PTK2B: variants seen among roughly 807,000 people sequenced by gnomAD.
PTK2B encodes the protein protein-tyrosine kinase 2-beta.
PTK2B carries 71 observed loss-of-function variants against 142.9 expected under a neutral mutation model. The observed-to-expected ratio is 0.50, with a 90% CI of 0.41 to 0.61. The LOEUF (loss-of-function observed/expected upper bound fraction) is 0.61, where lower values mean the gene tolerates loss of function less well. PTK2B is among the 20% of genes least tolerant of loss of function. PTK2B has a pLI of 0.00. For missense variants in PTK2B, 1,105 were observed against 1,320.4 expected (o/e 0.84, Z 2.53); for synonymous variants, 519 against 503.4 (o/e 1.03, Z -0.42).
At chr8:27,364,722 C>G (rs1805915779) in intron 1 of PTK2B, among the ~76,000 whole-genome samples, 1 of 152,228 alleles carries the variant, frequency 6.6e-6, no homozygotes, top group African/African-American at 2.4e-5. Context: ...GATGAGTGGC[C>G]TCACTGACGT....
At chr8:27,438,966 C>A in intron 18 of PTK2B, 65 bp from the exon 19 acceptor site, 1 of 1,404,674 alleles carries the variant, frequency 7.1e-7, no homozygotes, top group Non-Finnish European at 1.0e-6. Context: ...GTCTGTCCAT[C>A]TCTCTGTTCC....
At chr8:27,457,863 T>G (rs1357068867) in intron 30 of PTK2B, among the ~76,000 whole-genome samples, 2 of 151,420 alleles carry the variant, frequency 1.3e-5, no homozygotes, top group East Asian at 1.9e-4. Context: ...TAATCCCAGC[T>G]ACTCGGGAGG....
chr8:27,400,694 G>T (rs1586240608), intron 2 of PTK2B, among the ~76,000 whole-genome samples: 2 of 152,148 alleles, frequency 1.3e-5, no homozygotes, highest in South Asian at 2.1e-4. Context: ...ATGGGTGTTG[G>T]TACTATTCAT....
At chr8:27,408,841 C>T (rs1246423851) in intron 2 of PTK2B, among the ~76,000 whole-genome samples, 2 of 152,204 alleles carry the variant, frequency 1.3e-5, no homozygotes, top group African/African-American at 4.8e-5. Flanking sequence ...TAACAAAGCA[C>T]CACAAACAGA....
At chr8:27,437,329 C>T in intron 16 of PTK2B, 67 bp from the exon 17 acceptor site, 1 of 1,554,386 alleles carries the variant, frequency 6.4e-7, no homozygotes. Flanking sequence ...GCTAGAAGAG[C>T]AAAGGCCTTT....
At chr8:27,404,307 A>C (rs1455790740) in intron 2 of PTK2B, among the ~76,000 whole-genome samples, 1 of 152,216 alleles carries the variant, frequency 6.6e-6, no homozygotes, top group African/African-American at 2.4e-5. Flanking sequence ...GACATTGAGC[A>C]GAAGCAGAGA....
At chr8:27,437,569 C>T in intron 17 of PTK2B, 73 bp downstream of exon 17, 1 of 1,333,906 alleles carries the variant, frequency 7.5e-7, no homozygotes, top group Non-Finnish European at 1.0e-6. Context: ...CCATTCCTCC[C>T]AGCTTCCTGA....
intron 1 of PTK2B, among the ~76,000 whole-genome samples, chr8:27,384,597 T>C (rs946759918): frequency 6.6e-6 from 1 of 152,208 alleles, no homozygotes; most frequent in African/African-American, 2.4e-5. Context: ...AAAAGGTAAC[T>C]GTGTGGAGAT....
At chr8:27,407,127 A>G (rs1808765780) in intron 2 of PTK2B, among the ~76,000 whole-genome samples, 1 of 152,180 alleles carries the variant, frequency 6.6e-6, no homozygotes, top group Non-Finnish European at 1.5e-5. Flanking sequence ...AGAGACACTT[A>G]TATTCTGCTC....
At chr8:27,417,693 C>T (rs1347789563) in intron 2 of PTK2B, among the ~76,000 whole-genome samples, 1 of 152,076 alleles carries the variant, frequency 6.6e-6, no homozygotes, top group Non-Finnish European at 1.5e-5. Flanking sequence ...ATTGTTGAGG[C>T]TGGGTGATGC....
chr8:27,418,419 T>G (rs1269069716), intron 2 of PTK2B, among the ~76,000 whole-genome samples: 1 of 152,218 alleles, frequency 6.6e-6, no homozygotes, highest in Non-Finnish European at 1.5e-5. Flanking sequence ...TATGCCTCCT[T>G]CTTTTCATTC....
chr8:27,420,677 A>G lies in PTK2B; in HGVS notation c.404A>G (p.Tyr135Cys), dbSNP rs760553257. 3.1e-6 allele frequency: 5 copies of G among 1,614,156 alleles called. No individual in the cohort carries two copies. In the Admixed American group the frequency reaches 6.7e-5, roughly 22 times the overall value. The change falls in exon 4 of 31, where the codon TAC becomes TGC. Residue 135 changes from tyrosine to cysteine, a missense_variant. Physicochemically the swap from Tyr to Cys is radical, Grantham distance 194 (BLOSUM62 -2). Coordinates refer to ENST00000346049, the MANE Select transcript of PTK2B (RefSeq NM_173176.3). Reference protein sequence around the residue: ...AEWRYDLQIRYLPEDFMESLK... With the variant: ...AEWRYDLQIRCLPEDFMESLK... ...TGCAGGTATGACCTTCAAATCCGCT[A>G]CTTGCCAGAAGACTTCATGGAGAGC...
chr8:27,405,272 C>A (rs1008059621), intron 2 of PTK2B, among the ~76,000 whole-genome samples: 1 of 152,076 alleles, frequency 6.6e-6, no homozygotes, highest in Non-Finnish European at 1.5e-5. Context: ...GTTCCCTGTG[C>A]CTGGAAGAGC....
intron 1 of PTK2B, among the ~76,000 whole-genome samples, chr8:27,342,685 G>T (rs188125571): frequency 2.4e-4 from 36 of 152,098 alleles, no homozygotes; most frequent in Admixed American, 2.3e-3. Context: ...AGTTCATCCC[G>T]TCTGTGCTCC....
intron 2 of PTK2B, among the ~76,000 whole-genome samples, chr8:27,407,858 C>T (rs1312913360): frequency 6.6e-6 from 1 of 152,216 alleles, no homozygotes; most frequent in Non-Finnish European, 1.5e-5. Context: ...CTGCTCTGCA[C>T]CTACCATTGT....
At chr8:27,454,754 A>G (rs1255838259) in intron 30 of PTK2B, 143 bp downstream of exon 30, 2 of 828,240 alleles carry the variant, frequency 2.4e-6, no homozygotes, top group Non-Finnish European at 3.9e-6. Context: ...TGGCTTATCC[A>G]TCAGCTACCA....
chr8:27,311,193 AGGAGCGGGAAGGCCCGGG>A (rs1802947880), upstream of PTK2B: 1 of 1,598,294 alleles, frequency 6.3e-7, no homozygotes, highest in African/African-American at 1.3e-5. Flanking sequence ...TCCTCCTTGA[AGGAGCGGGAAGGCCCGGG>A]GGACACGTCG....
At chr8:27,434,247 G>A (rs2132096044) in intron 12 of PTK2B, 115 bp downstream of exon 12, 5 of 1,342,382 alleles carry the variant, frequency 3.7e-6, no homozygotes, top group Admixed American at 2.1e-5. Context: ...AGGCCCAGGA[G>A]AACCCTGAAA....
chr8:27,344,671 C>T (rs1804609949), intron 1 of PTK2B, among the ~76,000 whole-genome samples: 1 of 152,084 alleles, frequency 6.6e-6, no homozygotes, highest in African/African-American at 2.4e-5. Flanking sequence ...AACTTCAGCC[C>T]CTCAGCCTGG....
Sources: allele counts gnomAD v4.1 joint callset (sites outside exome capture counted in the v4.1 genomes callset), GRCh38; gene constraint gnomAD v4.1.1; transcripts MANE v1.5; gene names NCBI Gene and HGNC (gene_info 2026-07-23, HGNC 2026-07-21).